BMI1: variants seen among roughly 807,000 people sequenced by gnomAD.
BMI1 encodes the protein BMI1 proto-oncogene, polycomb ring finger, also known as polycomb complex protein BMI-1.
BMI1 carries 9 observed loss-of-function variants against 39.1 expected under a neutral mutation model. That is an observed-to-expected ratio of 0.23 (90% CI 0.14 to 0.40). BMI1 has a LOEUF of 0.40. Among genes scored for constraint, BMI1 ranks in the 10% least tolerant of loss-of-function variants. The pLI, the probability that BMI1 is intolerant of heterozygous loss-of-function variation, is 1.00. For missense variants in BMI1, 252 were observed against 390.8 expected, an observed-to-expected ratio of 0.64 and a Z score of 2.99; for synonymous variants, 131 against 127.9, an observed-to-expected ratio of 1.02 and a Z score of -0.16.
chr10:22,325,616 C>G (rs1836123278), intron 1 of BMI1: 2 of 145,094 alleles, frequency 1.4e-5, no homozygotes, highest in Middle Eastern at 3.5e-3. Context: ...CCGCGGCGCG[C>G]CGCCCCTCCC....
chr10:22,326,406 T>C (rs1472825065), intron 1 of BMI1, 25 bp from the exon 2 acceptor site: 3 of 1,608,128 alleles, frequency 1.9e-6, no homozygotes, highest in Admixed American at 1.7e-5. Context: ...CTGTGAATTA[T>C]GGCCATTATT....
rs768142834 is a variant in BMI1, at chr10:22,326,414, A to T, written c.-19-17A>T. ...TCTTGTTCTGTGAATTATGGCCATT[A>T]TTTCTGTGTCTTGCAGGATTTTTTA... On this transcript the variant is annotated splice_polypyrimidine_tract_variant and intron_variant, in intron 1 of 9. Transcript: ENST00000376663. The T allele has an allele frequency of 6.2e-7, 1 of 1,609,326 alleles. No individual in the cohort carries two copies. Among genetic ancestry groups the T allele is most frequent in the Non-Finnish European group, 8.5e-7 (1 of 1,179,830 alleles).
rs750261916 is a variant in BMI1, at chr10:22,329,337, A to G, written c.776A>G (p.Asn259Ser). 1.2e-5 allele frequency: 19 copies of G among 1,614,094 alleles called. No individual in the cohort carries two copies. The highest frequency in any genetic ancestry group is 1.7e-5 in the Admixed American group (1 of 60,002). The part of the protein sequence containing the change: ...LESDSGSDKA[N>S]SPAGGIPSTS... ...AGTGACTCTGGGAGTGACAAGGCCA[A>G]CAGCCCAGCAGGAGGTATTCCCTCC... The change falls in exon 10 of 10, where the codon AAC (asparagine) becomes AGC (serine). Residue 259 changes from asparagine (N) to serine (S), a missense_variant. Asn to Ser is a conservative substitution (Grantham distance 46, BLOSUM62 1). Around this residue, in one of 4 missense-constraint regions of BMI1, gnomAD observed 96 missense variants for 120.2 expected, o/e 0.80. Transcript: ENST00000376663.
chr10:22,328,741 C>A, intron 8 of BMI1, 43 bp downstream of exon 8: 1 of 1,515,074 alleles, frequency 6.6e-7, no homozygotes, highest in South Asian at 1.3e-5. Context: ...ATAGATTTTA[C>A]AATTTTAATT....
intron 2 of BMI1, 93 bp from the exon 3 acceptor site, chr10:22,326,797 C>G: frequency 6.7e-7 from 1 of 1,482,222 alleles, no homozygotes; most frequent in African/African-American, 1.4e-5. Context: ...ATGCCTTTCA[C>G]CATCTTGTTT....
rs1313247081 is a variant in BMI1, at chr10:22,321,564, C to CCCATTG, written c.-151_-146dup. 5 of 153,052 alleles carry CCCATTG rather than the reference C, an allele frequency of 3.3e-5. No homozygotes were observed. The highest frequency in any genetic ancestry group is 1.2e-4 in the African/African-American group (5 of 41,440). The allele number at this position is 153,052 out of a possible 1,614,324, so 9.5% of individuals were successfully genotyped here. On this transcript the variant is annotated 5_prime_UTR_variant, in exon 1 of 10. An upstream open reading frame in the 5' UTR loses its in-frame stop. Transcript: ENST00000376663. Reference sequence around the variant, plus strand: ...CGGCTGCTCGGGGCCGCGCTGGTTGCCCATTGACAGCGGCGTCTGCAGCTC... The same window carrying CCCATTG: ...CGGCTGCTCGGGGCCGCGCTGGTTGCCCATTGCCATTGACAGCGGCGTCTGCAGCTC...
At position 22,327,760 on chromosome 10, in the gene BMI1, G is replaced by A; in HGVS notation, c.284G>A (p.Arg95Lys). 1 of 1,613,362 alleles carries A rather than the reference G, an allele frequency of 6.2e-7. No homozygotes were observed. The highest frequency in any genetic ancestry group is 8.5e-7 in the Non-Finnish European group (1 of 1,179,596). ...CATTCAGATGAAATGAAGAGAAGAAGGGATTTTTATGCAGCTCATCCTTCT... is the reference window on the plus strand; with the variant it reads ...CATTCAGATGAAATGAAGAGAAGAAAGGATTTTTATGCAGCTCATCCTTCT... ...GLFKNEMKRR[R>K]DFYAAHPSAD... Residue 95 changes from arginine (R) to lysine (K), a missense_variant, in exon 5 of 10, where the codon AGG (arginine) becomes AAG (lysine). By Grantham distance (26) the Arg-to-Lys change is conservative (BLOSUM62 2). This residue lies in a region of BMI1 where 62 missense variants were observed against 123.3 expected (regional missense o/e 0.50). Transcript: ENST00000376663.
rs1836269264 is a variant in BMI1, at chr10:22,330,948, T to G, written c.*1406T>G. On this transcript the variant is annotated 3_prime_UTR_variant, in exon 10 of 10. Transcript: ENST00000376663. ...TGTGAGGGTGTTTATTCTATATGAA[T>G]ATTGTTTCATGTTTGTATGGGAAAA... 6.6e-6 allele frequency: 1 copy of G among 152,606 alleles called. No homozygotes were observed. The highest frequency in any genetic ancestry group is 2.1e-4 in the South Asian group (1 of 4,836). The allele number at this position is 152,606 out of a possible 1,614,324, so 9.5% of individuals were successfully genotyped here. A position where few individuals can be genotyped will look rare whatever the true frequency, so the allele number is the denominator to read the frequency against.
At chr10:22,328,760 C>A in intron 8 of BMI1, 62 bp downstream of exon 8, 1 of 1,486,514 alleles carries the variant, frequency 6.7e-7, no homozygotes, top group South Asian at 1.3e-5. Context: ...TTACATTTTT[C>A]ACTTTGGATT....
intron 8 of BMI1, among the ~76,000 whole-genome samples, 173 bp downstream of exon 8, chr10:22,328,871 C>G (rs143078475): frequency 6.6e-6 from 1 of 152,236 alleles, no homozygotes; most frequent in African/African-American, 2.4e-5. Context: ...GCTATGAAAA[C>G]AAATCCCTTA....
At chr10:22,327,529 A>C in intron 3 of BMI1, 66 bp from the exon 4 acceptor site, 10 of 1,449,104 alleles carry the variant, frequency 6.9e-6, no homozygotes, top group Non-Finnish European at 7.5e-6. Flanking sequence ...AAGACTATAG[A>C]AACTTATGAA....
Position 22,326,990 on chromosome 10 carries a change from G to A in BMI1, c.209+4G>A, listed in dbSNP as rs764993758. 3.1e-6 allele frequency: 5 copies of A among 1,611,450 alleles called. No homozygotes were observed. In the East Asian group the frequency reaches 6.7e-5, roughly 22 times the overall value. ...CCAGACCACTACTGAATATAAGGTA[G>A]GAAACTGTTGAAATTCCTTGTTTGT... On this transcript the variant is annotated splice_donor_region_variant and intron_variant, in intron 3 of 9. Transcript: ENST00000376663.
Position 22,328,614 on chromosome 10 carries a change from A to T in BMI1, c.486A>T (p.Arg162Ser). 1 of 1,601,314 alleles carries T rather than the reference A, an allele frequency of 6.2e-7. No individual in the cohort carries two copies. Among genetic ancestry groups the T allele is most frequent in the Non-Finnish European group, 8.5e-7 (1 of 1,175,330 alleles). ...TGTACTTTTAGGTGAATGATAAAAG[A>T]TACTTACGATGCCCAGCAGCAATGA... ...EKSKEEVNDK[R>S]YLRCPAAMTV... The change falls in exon 8 of 10, where the codon AGA becomes AGT. Residue 162 changes from arginine (R) to serine (S), a missense_variant. This residue lies in a region of BMI1 where 67 missense variants were observed against 69.9 expected (regional missense o/e 0.96). Transcript: ENST00000376663.
At chr10:22,322,863 T>C (rs1836043284) in intron 1 of BMI1, among the ~76,000 whole-genome samples, 1 of 152,244 alleles carries the variant, frequency 6.6e-6, no homozygotes, top group Non-Finnish European at 1.5e-5. Flanking sequence ...CATGATCTTT[T>C]TCCCAGAGAT....
At chr10:22,328,243 A>C in intron 7 of BMI1, 64 bp downstream of exon 7, 1 of 1,533,714 alleles carries the variant, frequency 6.5e-7, no homozygotes, top group Non-Finnish European at 8.8e-7. Context: ...TTTATCAGGG[A>C]TTGTGTTGCC....
chr10:22,328,847 A>G (rs1020610453), intron 8 of BMI1, 149 bp downstream of exon 8: 2 of 1,001,434 alleles, frequency 2.0e-6, no homozygotes, highest in Non-Finnish European at 2.8e-6. Flanking sequence ...CATTTGGTAT[A>G]CATTCTCTTT....
At chr10:22,327,925 A>C in intron 5 of BMI1, 25 bp from the exon 6 acceptor site, 1 of 1,583,452 alleles carries the variant, frequency 6.3e-7, no homozygotes, top group Non-Finnish European at 8.5e-7. Flanking sequence ...ATTTTTAAAA[A>C]TTACATTTCA....
chr10:22,331,601 A>G (rs1395126739), downstream of BMI1: 2 of 152,210 alleles, frequency 1.3e-5, no homozygotes, highest in Non-Finnish European at 2.9e-5. Context: ...TGTATAAAGA[A>G]TGAAAAAATA....
At chr10:22,325,473 G>GGGTCCCCGCCGCCCAGGACTGGGTCCCT (rs1308258174) in intron 1 of BMI1, among the ~76,000 whole-genome samples, 2 of 151,958 alleles carry the variant, frequency 1.3e-5, no homozygotes, top group East Asian at 3.9e-4. Flanking sequence ...GCAGGCTCCG[G>GGGTCCCCGCCGCCCAGGACTGGGTCCCT]GGTCCCCGCC....
Sources: gnomAD v4.1 joint callset for allele counts (sites outside exome capture counted in the v4.1 genomes callset) on GRCh38, gnomAD v4.1.1 for gene constraint, gnomAD v4.1.1 regional missense constraint, MANE v1.5 for transcripts, NCBI Gene and HGNC (gene_info 2026-07-23, HGNC 2026-07-21) for gene names.